The following GLI3 variants were observed in gnomAD, a reference collection of about 807,000 sequenced individuals.
The protein encoded by GLI3 is transcription activator GLI3.
In GLI3, 20 loss-of-function variants were observed where a neutral mutation model predicts 100.8. That is an observed-to-expected ratio of 0.20 (90% CI 0.14 to 0.29). The LOEUF is 0.29. Among genes scored for constraint, GLI3 ranks in the 10% least tolerant of loss-of-function variants. The pLI, the probability that GLI3 is intolerant of heterozygous loss-of-function variation, is 1.00. For synonymous variants in GLI3, 938 were observed against 860.5 expected, an observed-to-expected ratio of 1.09 and a Z score of -1.58; for missense variants, 2,040 against 2,128.5, an observed-to-expected ratio of 0.96 and a Z score of 0.82.
intron 2 of GLI3, among the ~76,000 whole-genome samples, chr7:42,191,012 AC>A (rs1387932783): frequency 6.6e-6 from 1 of 152,130 alleles, no homozygotes; most frequent in East Asian, 1.9e-4. Context: ...CATTTCCTTA[AC>A]CTGATAAAAA....
At chr7:42,125,530 G>C (rs1213563118) in intron 3 of GLI3, among the ~76,000 whole-genome samples, 1 of 152,188 alleles carries the variant, frequency 6.6e-6, no homozygotes, top group African/African-American at 2.4e-5. Flanking sequence ...AGGCATCTTT[G>C]AAGGCAACGC....
intron 1 of GLI3, among the ~76,000 whole-genome samples, chr7:42,234,142 G>C (rs73096377): frequency 0.019 from 2,902 of 152,326 alleles, 43 homozygotes; most frequent in South Asian, 0.045. Context: ...AGGTTTTCTT[G>C]AGGATTTCAT....
intron 3 of GLI3, among the ~76,000 whole-genome samples, chr7:42,123,858 A>T (rs1037275123): frequency 6.6e-6 from 1 of 152,204 alleles, no homozygotes; most frequent in South Asian, 2.1e-4. Flanking sequence ...AAAACTTGTT[A>T]AAAACACAGA....
rs185723932 is a variant in GLI3, at chr7:42,131,299, T to C, written c.367+16927A>G. ...TTCCCTTAAGTGCAAAAGATATGGTTGGGAGGTTGGGGAGTGGGGGGATGT... is the reference window on the plus strand; with the variant it reads ...TTCCCTTAAGTGCAAAAGATATGGTCGGGAGGTTGGGGAGTGGGGGGATGT... On this transcript the variant is annotated intron_variant, in intron 3 of 14. Transcript: ENST00000395925. 3.9e-5 allele frequency among the ~76,000 whole-genome samples: 6 copies of C among 152,178 alleles called. No homozygotes were observed. In the East Asian group the frequency reaches 7.7e-4, roughly 20 times the overall value.
chr7:42,062,274 T>C (rs1396151750), intron 4 of GLI3, among the ~76,000 whole-genome samples: 1 of 152,224 alleles, frequency 6.6e-6, no homozygotes, highest in Non-Finnish European at 1.5e-5. Context: ...GCTTTGACCA[T>C]GTTATAAAGT....
intron 3 of GLI3, among the ~76,000 whole-genome samples, chr7:42,132,380 G>T (rs1203033657): frequency 1.3e-5 from 2 of 152,140 alleles, no homozygotes; most frequent in African/African-American, 2.4e-5. Flanking sequence ...GATTACAGGC[G>T]TGAGCCACCG....
chr7:42,261,180 A>C (rs753188401), intron 1 of GLI3, among the ~76,000 whole-genome samples: 7 of 111,138 alleles, frequency 6.3e-5, no homozygotes, highest in Non-Finnish European at 1.2e-4. Flanking sequence ...TGGTGACAGC[A>C]GGAACAAGAC....
chr7:42,018,502 G>A (rs992684338), intron 10 of GLI3, among the ~76,000 whole-genome samples: 8 of 152,126 alleles, frequency 5.3e-5, no homozygotes, highest in African/African-American at 1.2e-4. Flanking sequence ...TTAGGATCAC[G>A]GTATTAATGT....
intron 7 of GLI3, among the ~76,000 whole-genome samples, chr7:42,039,753 T>C (rs914428130): frequency 7.2e-5 from 11 of 152,246 alleles, no homozygotes; most frequent in Non-Finnish European, 1.3e-4. Flanking sequence ...TAAAAAGATT[T>C]GCCCTACTTA....
rs1270242673 is a variant in GLI3 at position 42,148,255 on chromosome 7, G to T, written c.338C>A (p.Pro113His). ...PYRGTVFAMDPRNGYMEPHYH... is the reference protein window; with the variant it reads ...PYRGTVFAMDHRNGYMEPHYH... ...GTGGGGCTCCATGTAACCATTCCTGGGGTCCATGGCAAACACCGTCCCGCG... is the reference window on the plus strand; with the variant it reads ...GTGGGGCTCCATGTAACCATTCCTGTGGTCCATGGCAAACACCGTCCCGCG... The change falls in exon 3 of 15, where the codon CCC becomes CAC. Residue 113 changes from proline to histidine, a missense_variant. Physicochemically the swap from Pro to His is moderately conservative, Grantham distance 77. This residue lies in a region of GLI3 where 603 missense variants were observed against 690.9 expected (regional missense o/e 0.87). Transcript: ENST00000395925. The T allele has an allele frequency of 1.2e-6, 2 of 1,612,290 alleles. No homozygotes were observed. Among genetic ancestry groups the T allele is most frequent in the African/African-American group, 1.3e-5 (1 of 74,840 alleles).
intron 3 of GLI3, among the ~76,000 whole-genome samples, chr7:42,143,838 C>T (rs1041902003): frequency 5.3e-5 from 8 of 152,092 alleles, no homozygotes; most frequent in Non-Finnish European, 1.2e-4. Flanking sequence ...CAGTTGGGGG[C>T]AGAAGAAAAG....
intron 4 of GLI3, among the ~76,000 whole-genome samples, chr7:42,062,928 G>T (rs1340202653): frequency 6.6e-6 from 1 of 152,052 alleles, no homozygotes; most frequent in South Asian, 2.1e-4. Flanking sequence ...TTTCATTCAG[G>T]TGCCTGATAA....
At chr7:42,151,152 T>C (rs1249466047) in intron 2 of GLI3, 3 of 152,130 alleles carry the variant, frequency 2.0e-5, no homozygotes, top group African/African-American at 7.2e-5. Context: ...TTTACAATAG[T>C]CAGTGCTACC....
chr7:42,065,147 T>A (rs1784649169), intron 4 of GLI3, among the ~76,000 whole-genome samples: 1 of 150,684 alleles, frequency 6.6e-6, no homozygotes, highest in African/African-American at 2.4e-5. Context: ...TTTTTGGTCC[T>A]CTTTTTTATT....
intron 4 of GLI3, among the ~76,000 whole-genome samples, chr7:42,063,363 T>G (rs1784610094): frequency 6.6e-6 from 1 of 152,172 alleles, no homozygotes; most frequent in Non-Finnish European, 1.5e-5. Flanking sequence ...AGGTGCAAAA[T>G]TGTGTTAGAT....
chr7:42,090,997 T>G (rs1165608704), intron 3 of GLI3, among the ~76,000 whole-genome samples: 1 of 152,240 alleles, frequency 6.6e-6, no homozygotes, highest in Non-Finnish European at 1.5e-5. Flanking sequence ...ACTACAGTGC[T>G]CTGTAAGCTA....
intron 1 of GLI3, among the ~76,000 whole-genome samples, chr7:42,254,014 G>T (rs966342780): frequency 2.6e-5 from 4 of 152,150 alleles, no homozygotes; most frequent in African/African-American, 9.7e-5. Flanking sequence ...GAGGTCGGGA[G>T]TTCAAGACAG....
In GLI3 at chr7:41,964,364, G is replaced by C. The variant is rs41305933; in HGVS notation, c.4709C>G (p.Ala1570Gly). 1.1e-5 allele frequency: 18 copies of C among 1,613,828 alleles called. No homozygotes were observed. Among genetic ancestry groups the C allele is most frequent in the Non-Finnish European group, 1.4e-5 (16 of 1,179,866 alleles). The change falls in exon 15 of 15, where the codon GCG becomes GGG. Residue 1570 changes from alanine to glycine, a missense_variant. Ala to Gly is a moderately conservative substitution (Grantham distance 60). Around this residue, in one of 5 missense-constraint regions of GLI3, gnomAD observed 1,041 missense variants for 924.0 expected, o/e 1.13. Transcript: ENST00000395925. ...AACTGCAAGGAATTTGCTTTCTTCC[G>C]CTAGGGAGGTCAGCAAAGAACTCAT... ...GDMSSLLTSL[A>G]EESKFLAVMQ is the part of the protein sequence containing the mutation.
In GLI3 at chr7:41,966,108, G is replaced by A. The variant is rs1313713644; in HGVS notation, c.2965C>T (p.Arg989Trp). 9.5e-6 allele frequency: 15 copies of A among 1,573,652 alleles called. No homozygotes were observed. Among genetic ancestry groups the A allele is most frequent in the Middle Eastern group, 1.8e-4 (1 of 5,648 alleles). The change falls in exon 15 of 15, where the codon CGG becomes TGG. Residue 989 changes from arginine to tryptophan, a missense_variant. Around this residue, in one of 5 missense-constraint regions of GLI3, gnomAD observed 1,041 missense variants for 924.0 expected, o/e 1.13. Coordinates refer to ENST00000395925, the MANE Select transcript of GLI3 (RefSeq NM_000168.6). This position sits in a 1 kb window ranked among gnomAD's most constrained non-coding sequence, Gnocchi z 5.8. ...CSDGGAHGYGRRHLQPHDAPG... is the reference protein window; with the variant it reads ...CSDGGAHGYGWRHLQPHDAPG... ...GCATCGTGCGGCTGCAGGTGGCGCC[G>A]CCCGTAGCCGTGGGCTCCCCCGTCG...
Sources: gnomAD v4.1 joint callset for allele counts (sites outside exome capture counted in the v4.1 genomes callset) on GRCh38, gnomAD v4.1.1 for gene constraint, gnomAD v4.1.1 regional missense constraint, Gnocchi (gnomAD v3.1) non-coding constraint, MANE v1.5 for transcripts, NCBI Gene and HGNC (gene_info 2026-07-23, HGNC 2026-07-21) for gene names.